Variants in NMBR observed in about 807,000 individuals in gnomAD.
NMBR encodes the protein neuromedin-B receptor.
Under a neutral mutation model 20.5 loss-of-function variants are expected in NMBR, and 16 were observed. The ratio of observed to expected loss-of-function variants is 0.78; its 90% confidence interval spans 0.53 to 1.19. The LOEUF (loss-of-function observed/expected upper bound fraction) is 1.19, where lower values mean the gene tolerates loss of function less well. Ranked by LOEUF, NMBR falls within the 50% of genes most tolerant of loss-of-function variation. The pLI, the probability that NMBR is intolerant of heterozygous loss-of-function variation, is 0.00. For synonymous variants in NMBR, 212 were observed against 196.6 expected (o/e 1.08, Z -0.65); for missense variants, 582 against 499.1 (o/e 1.17, Z -1.58).
At chr6:142,104,706 A>C (rs978340859) in intron 1 of NMBR, among the ~76,000 whole-genome samples, 1 of 152,184 alleles carries the variant, frequency 6.6e-6, no homozygotes, top group Non-Finnish European at 1.5e-5. Context: ...GACAGAATCT[A>C]TCTCTTCTTC....
chr6:142,107,320 G>A (rs567279694), intron 1 of NMBR, among the ~76,000 whole-genome samples: 1 of 152,314 alleles, frequency 6.6e-6, no homozygotes, highest in Admixed American at 6.5e-5. Context: ...GGATTACACT[G>A]TGGAACAATT....
chr6:142,104,190 G>A (rs1024819468), intron 1 of NMBR, among the ~76,000 whole-genome samples: 1 of 152,100 alleles, frequency 6.6e-6, no homozygotes, highest in African/African-American at 2.4e-5. Flanking sequence ...AATGGTCATA[G>A]TTAAAGACAC....
intron 1 of NMBR, among the ~76,000 whole-genome samples, chr6:142,143,204 A>G (rs1298877530): frequency 1.3e-5 from 2 of 152,230 alleles, no homozygotes; most frequent in African/African-American, 2.4e-5. Context: ...ATAGTGATAA[A>G]TTTTTCAAAA....
At chr6:142,135,052 G>GTGC (rs1209911962) in intron 1 of NMBR, 5 of 426,814 alleles carry the variant, frequency 1.2e-5, no homozygotes, top group African/African-American at 2.0e-5. Flanking sequence ...ATAAAATATA[G>GTGC]TGCCTGGTTG....
chr6:142,085,472 C>T (rs569754232), intron 2 of NMBR, among the ~76,000 whole-genome samples: 4 of 151,982 alleles, frequency 2.6e-5, no homozygotes, highest in Admixed American at 2.6e-4. Context: ...TGCAGTGAGC[C>T]GAGATCGCAC....
intron 1 of NMBR, among the ~76,000 whole-genome samples, chr6:142,145,413 G>A (rs182425457): frequency 9.2e-4 from 140 of 152,328 alleles, no homozygotes; most frequent in Non-Finnish European, 1.6e-3. Context: ...AGATTTTAAT[G>A]TGGAATACTC....
intron 1 of NMBR, among the ~76,000 whole-genome samples, chr6:142,118,768 T>G (rs1162022207): frequency 2.6e-5 from 4 of 152,018 alleles, no homozygotes; most frequent in African/African-American, 9.7e-5. Context: ...TTTATCTCAG[T>G]ACTTCTAATT....
intron 1 of NMBR, among the ~76,000 whole-genome samples, chr6:142,110,136 G>A (rs1777735410): frequency 6.6e-6 from 1 of 152,084 alleles, no homozygotes; most frequent in Non-Finnish European, 1.5e-5. Flanking sequence ...AATTTAAAGT[G>A]GTGTAGCCGC....
At chr6:142,132,811 G>A (rs563872150) in intron 1 of NMBR, among the ~76,000 whole-genome samples, 3 of 152,286 alleles carry the variant, frequency 2.0e-5, no homozygotes, top group East Asian at 3.9e-4. Flanking sequence ...TTGCAGAAGC[G>A]TTGAGTGCTC....
chr6:142,116,340 T>G (rs1030713899), intron 1 of NMBR, among the ~76,000 whole-genome samples: 6 of 151,908 alleles, frequency 3.9e-5, no homozygotes, highest in Non-Finnish European at 8.8e-5. Flanking sequence ...TACTGTAGGA[T>G]GCAGTATATA....
intron 2 of NMBR, among the ~76,000 whole-genome samples, chr6:142,083,592 T>C (rs1777141904): frequency 6.6e-6 from 1 of 152,110 alleles, no homozygotes; most frequent in Non-Finnish European, 1.5e-5. Context: ...GGTGACTGGA[T>C]CATGAGGGCA....
rs1238747990 is a variant in NMBR at position 142,078,713 on chromosome 6, C to A, written c.613G>T (p.Asp205Tyr). The A allele has an allele frequency of 1.9e-6, 3 of 1,613,852 alleles. No homozygotes were observed. In the African/African-American group the frequency reaches 4.0e-5, roughly 22 times the overall value. ...GAATGAATCTTTGGATGTAATTCAT[C>A]TGTTTGAGGGTATGGGATACATGCT... ...FTACIPYPQT[D>Y]ELHPKIHSVL... The change falls in exon 3 of 4, where the codon GAT becomes TAT. Residue 205 changes from aspartate to tyrosine, a missense_variant. Coordinates refer to ENST00000258042, the MANE Select transcript of NMBR (RefSeq NM_002511.4).
Position 142,119,065 on chromosome 6 carries a change from T to G in NMBR, c.-664+27979A>C, listed in dbSNP as rs76376177. The stretch of plus-strand genomic sequence containing the variant: ...GCCAAGGGCAGCCCTGCAAATGGAA[T>G]GGACTCTGAGTATTGTTCTGAATTG... On this transcript the variant is annotated intron_variant, in intron 1 of 3. Transcript: ENST00000258042. 2.8e-3 allele frequency among the ~76,000 whole-genome samples: 423 copies of G among 152,114 alleles called. 8 individuals are homozygous for G. Among genetic ancestry groups the G allele is most frequent in the African/African-American group, 9.8e-3 (407 of 41,530 alleles).
At chr6:142,079,086 AAGAGAGAAAGAGAGAGAG>A (rs1213683088) in intron 2 of NMBR, among the ~76,000 whole-genome samples, 183 bp from the exon 3 acceptor site, 1 of 112,682 alleles carries the variant, frequency 8.9e-6, no homozygotes. Context: ...GAAAGAAAGA[AAGAGAGAAAGAGAGAGAG>A]AGAAAGAAAG....
At chr6:142,106,127 T>G (rs767956422) in intron 1 of NMBR, among the ~76,000 whole-genome samples, 2 of 152,184 alleles carry the variant, frequency 1.3e-5, no homozygotes, top group Non-Finnish European at 2.9e-5. Context: ...AGGTCAGGAC[T>G]ATGAAGGTTA....
chr6:142,131,473 G>A (rs1005378700), intron 1 of NMBR, among the ~76,000 whole-genome samples: 1 of 152,076 alleles, frequency 6.6e-6, no homozygotes, highest in Non-Finnish European at 1.5e-5. Context: ...ATTGAGAATC[G>A]CCCTTTTTCT....
chr6:142,139,873 G>A (rs929344083), intron 1 of NMBR, among the ~76,000 whole-genome samples: 1 of 152,000 alleles, frequency 6.6e-6, no homozygotes, highest in Admixed American at 6.6e-5. Context: ...TGCAAATATA[G>A]TAAAAATTAA....
At chr6:142,118,544 A>G (rs1047776589) in intron 1 of NMBR, among the ~76,000 whole-genome samples, 3 of 152,044 alleles carry the variant, frequency 2.0e-5, no homozygotes, top group African/African-American at 7.2e-5. Context: ...GCACTGTGCT[A>G]GTTGCCTCTG....
chr6:142,143,373 C>T (rs1192119706), intron 1 of NMBR, among the ~76,000 whole-genome samples: 2 of 152,228 alleles, frequency 1.3e-5, no homozygotes, highest in African/African-American at 4.8e-5. Flanking sequence ...CCACCTCTGC[C>T]TCCCGGGTTC....
Sources: allele counts gnomAD v4.1 joint callset (sites outside exome capture counted in the v4.1 genomes callset), GRCh38; gene constraint gnomAD v4.1.1; transcripts MANE v1.5; gene names NCBI Gene and HGNC (gene_info 2026-07-23, HGNC 2026-07-21).